MMS22L: variants seen among roughly 807,000 people sequenced by gnomAD.
MMS22L encodes the protein protein MMS22-like.
Under a neutral mutation model 159.1 loss-of-function variants are expected in MMS22L, and 74 were observed. The ratio of observed to expected loss-of-function variants is 0.47; its 90% confidence interval spans 0.39 to 0.56. MMS22L has a LOEUF of 0.56. Among genes scored for constraint, MMS22L ranks in the 20% least tolerant of loss-of-function variants. The pLI is 0.00. For synonymous variants in MMS22L, 517 were observed against 506.9 expected, an observed-to-expected ratio of 1.02 and a Z score of -0.27; for missense variants, 1,351 against 1,422.1, an observed-to-expected ratio of 0.95 and a Z score of 0.80.
rs375599376 is a variant in MMS22L at position 97,181,930 on chromosome 6, T to A, written c.2358A>T (p.Arg786Ser). ...DDIICPQVVARYLSHVLQNST... is the reference protein window; with the variant it reads ...DDIICPQVVASYLSHVLQNST... The stretch of plus-strand genomic sequence containing the variant: ...TATTTTGTAGGACATGACTTAAATA[T>A]CTTGCTACAACTTGAGGGCAGATGA... Residue 786 changes from arginine (R) to serine (S), a missense_variant, in exon 16 of 25, where the codon AGA becomes AGT. Arg to Ser is a moderately radical substitution (Grantham distance 110, BLOSUM62 -1). Coordinates refer to ENST00000683635, the MANE Select transcript of MMS22L (RefSeq NM_001350599.2). The A allele has an allele frequency of 8.1e-6, 13 of 1,613,068 alleles. No individual in the cohort carries two copies. The East Asian group carries it at 2.7e-4, about 33-fold the overall frequency.
rs1259230336 is a variant in MMS22L at position 97,146,433 on chromosome 6, A to G, written c.*373T>C. 6.4e-6 allele frequency: 1 copy of G among 155,314 alleles called. No individual in the cohort carries two copies. Among genetic ancestry groups the G allele is most frequent in the African/African-American group, 2.4e-5 (1 of 41,526 alleles). The allele number at this position is 155,314 out of a possible 1,614,324, so 9.6% of individuals were successfully genotyped here. A position where few individuals can be genotyped will look rare whatever the true frequency, so the allele number is the denominator to read the frequency against. ...AACTATTATTGTAAAAATAAAAAATAAACATGACAAATCAGTCACAAGGCA... is the reference window on the plus strand; with the variant it reads ...AACTATTATTGTAAAAATAAAAAATGAACATGACAAATCAGTCACAAGGCA... On this transcript the variant is annotated 3_prime_UTR_variant, in exon 25 of 25. Transcript: ENST00000683635.
chr6:97,179,851 G>A (rs1208208484), intron 16 of MMS22L, among the ~76,000 whole-genome samples: 3 of 152,188 alleles, frequency 2.0e-5, no homozygotes, highest in Non-Finnish European at 4.4e-5. Flanking sequence ...AAGAAAGAAT[G>A]TGGCTACCAA....
rs1801129827 is a variant in MMS22L at position 97,149,710 on chromosome 6, G to A, written c.3650+143C>T. On this transcript the variant is annotated intron_variant, in intron 24 of 24. Transcript: ENST00000683635. ...ACTTCTATTCACACTTTGTAAAACT[G>A]ATAATCACAGTACTGAAACATTTTT... 5 of 752,820 alleles carry A rather than the reference G, an allele frequency of 6.6e-6. No homozygotes were observed. In the South Asian group the frequency reaches 1.3e-4, roughly 20 times the overall value. The allele number at this position is 752,820 out of a possible 1,614,324, so 46.6% of individuals were successfully genotyped here. A position where few individuals can be genotyped will look rare whatever the true frequency, so the allele number is the denominator to read the frequency against.
At position 97,165,346 on chromosome 6, in the gene MMS22L, C is replaced by A; in HGVS notation, c.3121G>T (p.Val1041Phe). The A allele has an allele frequency of 6.2e-7, 1 of 1,613,412 alleles. No individual in the cohort carries two copies. Reference sequence around the variant, plus strand: ...ACAGGATGTTGTCCAAGATCTGAAACATATGGTGAAGCTGGAAGAAATCGC... The same window carrying A: ...ACAGGATGTTGTCCAAGATCTGAAAAATATGGTGAAGCTGGAAGAAATCGC... ...IGRFLPASPYVSDLGQHPVLL... is the reference protein window; with the variant it reads ...IGRFLPASPYFSDLGQHPVLL... Residue 1041 changes from valine to phenylalanine, a missense_variant, in exon 21 of 25, where the codon GTT becomes TTT. Physicochemically the swap from Val to Phe is conservative, Grantham distance 50. Transcript: ENST00000683635.
chr6:97,251,132 A>G (rs1813192306), intron 10 of MMS22L, among the ~76,000 whole-genome samples: 1 of 152,212 alleles, frequency 6.6e-6, no homozygotes, highest in Non-Finnish European at 1.5e-5. Flanking sequence ...GCAAAAATTA[A>G]CCAGTTAGGA....
rs780729737 is a variant in MMS22L at position 97,151,851 on chromosome 6, T to C, written c.3402A>G (p.Thr1134=). 6.2e-7 allele frequency: 1 copy of C among 1,613,596 alleles called. No homozygotes were observed. The highest frequency in any genetic ancestry group is 8.5e-7 in the Non-Finnish European group (1 of 1,179,612). ...VSEPQVKRLA[T]ENLQYMVKAC... The stretch of plus-strand genomic sequence containing the variant: ...CTTTTACCATGTATTGCAGGTTCTC[T>C]GTGGCCAGCCTTTTAACTAGAAGGA... The change falls in exon 23 of 25, where the codon ACA becomes ACG. Residue 1134 remains threonine, a synonymous_variant. Transcript: ENST00000683635.
chr6:97,184,052 T>C (rs766677165), intron 15 of MMS22L, among the ~76,000 whole-genome samples: 23 of 152,278 alleles, frequency 1.5e-4, no homozygotes, highest in Non-Finnish European at 3.1e-4. Flanking sequence ...CTATCAGGCC[T>C]TTGCCTCTCC....
intron 18 of MMS22L, among the ~76,000 whole-genome samples, chr6:97,177,158 T>C (rs1766470): frequency 0.55 from 83,010 of 151,890 alleles, 23,568 homozygotes; most frequent in African/African-American, 0.7. Flanking sequence ...CTTTAAGTTA[T>C]ATTATTGTTA....
chr6:97,189,215 T>C (rs1299178856), intron 14 of MMS22L, among the ~76,000 whole-genome samples: 2 of 149,876 alleles, frequency 1.3e-5, no homozygotes, highest in Non-Finnish European at 1.5e-5. Flanking sequence ...GGAGTATAAG[T>C]ATGAGCTAAC....
intron 21 of MMS22L, among the ~76,000 whole-genome samples, chr6:97,163,969 T>C (rs553579307): frequency 1.3e-5 from 2 of 151,990 alleles, no homozygotes; most frequent in East Asian, 3.9e-4. Context: ...ATGAAATTTA[T>C]TTCATGGACA....
rs900781132 is a variant in MMS22L, at chr6:97,235,095, A to T, written c.1183-1115T>A. Among the ~76,000 whole-genome samples, 8 of 152,332 alleles carry T rather than the reference A, an allele frequency of 5.3e-5. No individual in the cohort carries two copies. In the East Asian group the frequency reaches 1.5e-3, roughly 29 times the overall value. ...AAAAACACTGCTCTGGATTATACAT[A>T]AAGAGTGAATAGAGGGGTTAAGAAG... On this transcript the variant is annotated intron_variant, in intron 11 of 24. Coordinates refer to ENST00000683635, the MANE Select transcript of MMS22L (RefSeq NM_001350599.2).
Position 97,252,007 on chromosome 6 carries a change from C to T in MMS22L, c.1119+2550G>A, listed in dbSNP as rs145615556. 9.4e-3 allele frequency among the ~76,000 whole-genome samples: 1,426 copies of T among 151,542 alleles called. 15 individuals are homozygous for T. The highest frequency in any genetic ancestry group is 0.014 in the Non-Finnish European group (959 of 67,902). ...CAGAGGCAGGAGAATGGCATGAACC[C>T]GGGAGGCGGAGCTTGCAGTAAGCCA... On this transcript the variant is annotated intron_variant, in intron 10 of 24. Coordinates refer to ENST00000683635, the MANE Select transcript of MMS22L (RefSeq NM_001350599.2).
chr6:97,267,881 C>T lies in MMS22L; in HGVS notation c.819G>A (p.Arg273=), dbSNP rs758253886. The T allele has an allele frequency of 1.7e-5, 28 of 1,603,900 alleles. No homozygotes were observed. Among genetic ancestry groups the T allele is most frequent in the Non-Finnish European group, 2.2e-5 (26 of 1,176,862 alleles). ...ACTCTTAAAGCATTACCTTGTCGTA[C>T]CTGTTGAGTGACAGGCTTATTAAAT... is the stretch of plus-strand genomic sequence containing the variant. ...LCDLISLSLN[R]YDKVRSSESL... The change falls in exon 8 of 25, where the codon AGG becomes AGA. Residue 273 remains arginine (R), a synonymous_variant. Transcript: ENST00000683635.
chr6:97,268,667 A>G (rs1815410628), intron 7 of MMS22L, among the ~76,000 whole-genome samples: 1 of 152,292 alleles, frequency 6.6e-6, no homozygotes, highest in South Asian at 2.1e-4. Flanking sequence ...ACAAATACTG[A>G]TAAACTGATC....
chr6:97,211,128 C>A (rs990944681), intron 14 of MMS22L, among the ~76,000 whole-genome samples: 1 of 151,984 alleles, frequency 6.6e-6, no homozygotes, highest in Admixed American at 6.6e-5. Flanking sequence ...TGCTGAATTA[C>A]ATTGGAATTC....
At chr6:97,257,582 A>G (rs983777750) in intron 9 of MMS22L, among the ~76,000 whole-genome samples, 4 of 152,036 alleles carry the variant, frequency 2.6e-5, no homozygotes, top group African/African-American at 9.7e-5. Context: ...CAGGCATGCC[A>G]CCACCACACA....
intron 14 of MMS22L, among the ~76,000 whole-genome samples, chr6:97,201,303 A>G (rs1317636503): frequency 6.6e-6 from 1 of 152,122 alleles, no homozygotes; most frequent in East Asian, 1.9e-4. Context: ...TGAGTTAAAG[A>G]GCTTGTTCCT....
At chr6:97,147,716 TA>T (rs1478735217) in intron 24 of MMS22L, among the ~76,000 whole-genome samples, 1 of 152,120 alleles carries the variant, frequency 6.6e-6, no homozygotes, top group Non-Finnish European at 1.5e-5. Context: ...CTTCTCTCCT[TA>T]GAAAACCACA....
chr6:97,168,911 A>G (rs1803248847), intron 19 of MMS22L, among the ~76,000 whole-genome samples: 1 of 152,020 alleles, frequency 6.6e-6, no homozygotes, highest in Admixed American at 6.6e-5. Flanking sequence ...ATGCATACTA[A>G]TTTTCCCTGG....
Sources: allele counts gnomAD v4.1 joint callset (sites outside exome capture counted in the v4.1 genomes callset), GRCh38; gene constraint gnomAD v4.1.1; transcripts MANE v1.5; gene names NCBI Gene and HGNC (gene_info 2026-07-23, HGNC 2026-07-21).